The following HOMER2 variants were observed in gnomAD, a reference collection of about 807,000 sequenced individuals.
The protein encoded by HOMER2 is homer protein homolog 2.
HOMER2 carries 27 observed loss-of-function variants against 47.0 expected under a neutral mutation model. That is an observed-to-expected ratio of 0.57 (90% CI 0.42 to 0.79). HOMER2 has a LOEUF of 0.79. HOMER2 is among the 30% of genes least tolerant of loss of function. The pLI is 0.00. For synonymous variants in HOMER2, 161 were observed against 163.8 expected, an observed-to-expected ratio of 0.98 and a Z score of 0.13; for missense variants, 443 against 435.0, an observed-to-expected ratio of 1.02 and a Z score of -0.16.
chr15:82,874,259 G>C (rs1485280259), intron 3 of HOMER2, among the ~76,000 whole-genome samples: 3 of 152,228 alleles, frequency 2.0e-5, no homozygotes, highest in Non-Finnish European at 4.4e-5. Context: ...CCAGAAGCAA[G>C]TCTGGCTCTG....
chr15:82,875,788 T>A (rs944549532), intron 2 of HOMER2, among the ~76,000 whole-genome samples: 1 of 152,254 alleles, frequency 6.6e-6, no homozygotes, highest in Non-Finnish European at 1.5e-5. Flanking sequence ...CTGCACTATG[T>A]CGCTTTATGA....
intron 3 of HOMER2, among the ~76,000 whole-genome samples, chr15:82,868,543 T>TATA (rs1567023464): frequency 0.049 from 1,789 of 36,786 alleles, 102 homozygotes; most frequent in African/African-American, 0.15. Context: ...ATATATATAT[T>TATA]TTTTTTTTTT....
chr15:82,857,997 G>C (rs757986655), intron 5 of HOMER2, among the ~76,000 whole-genome samples: 1 of 152,196 alleles, frequency 6.6e-6, no homozygotes, highest in Non-Finnish European at 1.5e-5. Context: ...CAATTTAGGA[G>C]AAACTGATAC....
intron 1 of HOMER2, among the ~76,000 whole-genome samples, chr15:82,962,057 C>A (rs982578779): frequency 2.0e-5 from 3 of 152,016 alleles, no homozygotes; most frequent in Non-Finnish European, 4.4e-5. Context: ...AGCCACTGCA[C>A]CCAGCCCACA....
downstream of HOMER2, among the ~76,000 whole-genome samples, chr15:82,847,915 G>A (rs1298728387): frequency 6.6e-6 from 1 of 152,162 alleles, no homozygotes; most frequent in Admixed American, 6.5e-5. Flanking sequence ...CAACTGTCCT[G>A]AGAGCCGTCT....
intron 3 of HOMER2, among the ~76,000 whole-genome samples, chr15:82,870,841 A>ACCAG (rs1242710256): frequency 6.6e-6 from 1 of 152,186 alleles, no homozygotes; most frequent in Non-Finnish European, 1.5e-5. Context: ...CAGATCAACC[A>ACCAG]TGGTGCACTG....
At chr15:82,941,051 TTCTC>T (rs2054255714) in intron 1 of HOMER2, among the ~76,000 whole-genome samples, 1 of 152,176 alleles carries the variant, frequency 6.6e-6, no homozygotes, top group South Asian at 2.1e-4. Context: ...TATATCAGCT[TTCTC>T]TCTCTATCCC....
chr15:82,936,285 C>T (rs1390709210), intron 1 of HOMER2, among the ~76,000 whole-genome samples: 1 of 152,156 alleles, frequency 6.6e-6, no homozygotes, highest in Non-Finnish European at 1.5e-5. Flanking sequence ...TCAGCCCTTG[C>T]TTTTTTCCCT....
At chr15:82,839,643 A>AAT in exon 2 of HOMER2, 1 of 152,250 alleles carries the variant, frequency 6.6e-6, no homozygotes, top group South Asian at 2.1e-4. Context: ...TCATTTGCCA[A>AAT]ATAACATCAA....
chr15:82,977,906 C>T (rs1042895590), intron 1 of HOMER2, among the ~76,000 whole-genome samples: 14 of 152,004 alleles, frequency 9.2e-5, no homozygotes, highest in Non-Finnish European at 8.8e-5. Flanking sequence ...CAGCACTTTG[C>T]GAGGCTGAAG....
At chr15:82,854,064 T>A (rs1481214386) in intron 6 of HOMER2, among the ~76,000 whole-genome samples, 1 of 152,104 alleles carries the variant, frequency 6.6e-6, no homozygotes, top group Non-Finnish European at 1.5e-5. Context: ...ACACCTCCAG[T>A]TTATCTTCTC....
rs80321676 is a variant in HOMER2, at chr15:82,901,188, T to G, written c.6-8347A>C. Reference sequence around the variant, plus strand: ...CATGTGCTTTGGAAAAGGGTCCCGATTCTCCAAAAGGGCTGGATGGGCCCA... The same window carrying G: ...CATGTGCTTTGGAAAAGGGTCCCGAGTCTCCAAAAGGGCTGGATGGGCCCA... On this transcript the variant is annotated intron_variant, in intron 1 of 8. Transcript: ENST00000450735. Among the ~76,000 whole-genome samples the G allele has an allele frequency of 2.8e-3, 429 of 152,204 alleles. 3 individuals are homozygous for G. Among genetic ancestry groups the G allele is most frequent in the African/African-American group, 9.8e-3 (407 of 41,532 alleles).
intron 1 of HOMER2, among the ~76,000 whole-genome samples, chr15:82,978,517 G>A (rs542478664): frequency 3.2e-4 from 48 of 152,266 alleles, no homozygotes; most frequent in Non-Finnish European, 5.3e-4. Flanking sequence ...AACATAGTAC[G>A]AAGTCTTCCA....
At chr15:82,900,306 C>A (rs916260737) in intron 1 of HOMER2, among the ~76,000 whole-genome samples, 76 of 152,086 alleles carry the variant, frequency 5.0e-4, no homozygotes, top group African/African-American at 1.5e-3. Context: ...TTTTAAAAAA[C>A]CCAAATAAAT....
chr15:82,942,541 T>A (rs915151315), intron 1 of HOMER2, among the ~76,000 whole-genome samples: 1 of 152,198 alleles, frequency 6.6e-6, no homozygotes, highest in African/African-American at 2.4e-5. Context: ...GAGCCACCGA[T>A]GTCCATCACT....
intron 1 of HOMER2, among the ~76,000 whole-genome samples, chr15:82,976,664 A>G (rs532657520): frequency 6.9e-6 from 1 of 143,966 alleles, no homozygotes; most frequent in African/African-American, 2.6e-5. Context: ...ATTAGATCTT[A>G]AGATTTGTGT....
intron 1 of HOMER2, among the ~76,000 whole-genome samples, chr15:82,940,720 G>T (rs760893046): frequency 2.6e-5 from 4 of 151,866 alleles, no homozygotes; most frequent in Non-Finnish European, 4.4e-5. Context: ...GTGACAGAAG[G>T]AGACTCTGTC....
chr15:82,847,987 C>T (rs2051276777), downstream of HOMER2, among the ~76,000 whole-genome samples: 1 of 152,182 alleles, frequency 6.6e-6, no homozygotes, highest in African/African-American at 2.4e-5. Context: ...GATGGCTGGC[C>T]ACGCTTTCCA....
chr15:82,847,713 G>T (rs1029894355), downstream of HOMER2, among the ~76,000 whole-genome samples: 6 of 152,218 alleles, frequency 3.9e-5, no homozygotes, highest in South Asian at 2.1e-4. Flanking sequence ...AAAGGCAGAG[G>T]TCATCTGAAG....
Sources: gnomAD v4.1 joint callset for allele counts (sites outside exome capture counted in the v4.1 genomes callset) on GRCh38, gnomAD v4.1.1 for gene constraint, MANE v1.5 for transcripts, NCBI Gene and HGNC (gene_info 2026-07-23, HGNC 2026-07-21) for gene names.